The following LAMA5 variants were observed in gnomAD, a reference collection of about 807,000 sequenced individuals.
LAMA5 encodes the protein laminin subunit alpha-5.
In LAMA5, 260 loss-of-function variants were observed where a neutral mutation model predicts 433.4. That is an observed-to-expected ratio of 0.60 (90% CI 0.54 to 0.66). The LOEUF (loss-of-function observed/expected upper bound fraction) is 0.66. Among genes scored for constraint, LAMA5 ranks in the 30% least tolerant of loss-of-function variants. The pLI, the probability that LAMA5 is intolerant of heterozygous loss-of-function variation, is 0.00. For missense variants in LAMA5, 5,378 were observed against 5,258.5 expected (o/e 1.02, Z -0.70); for synonymous variants, 2,620 against 2,226.6 (o/e 1.18, Z -4.97).
At chr20:62,345,564 A>G (rs1434383183) in intron 11 of LAMA5, 8 of 630,944 alleles carry the variant, frequency 1.3e-5, no homozygotes, top group Admixed American at 2.2e-5. Context: ...ACATCACTAC[A>G]CCCAGCTAAT....
rs1386829977 is a variant in LAMA5, at chr20:62,310,798, A to G, written c.10313T>C (p.Leu3438Pro). Residue 3438 changes from leucine (L) to proline (P), a missense_variant, in exon 75 of 80, where the codon CTG becomes CCG. Transcript: ENST00000252999. ...GGCCCGGGCCCCGTCCGTCACCAGC[A>G]GGATCCGGTTCTTCTCCCAGCGCAC... is the stretch of plus-strand genomic sequence containing the variant. ...VSVRWEKNRI[L>P]LVTDGARAWS... 1 of 1,552,776 alleles carries G rather than the reference A, an allele frequency of 6.4e-7. No individual in the cohort carries two copies. The highest frequency in any genetic ancestry group is 1.4e-5 in the African/African-American group (1 of 73,418).
At chr20:62,327,739 C>A (rs1262440343) in intron 36 of LAMA5, 70 bp from the exon 37 acceptor site, 62 of 1,593,462 alleles carry the variant, frequency 3.9e-5, no homozygotes, top group Non-Finnish European at 5.3e-5. Context: ...CTGGTACCCA[C>A]CTGCCAATGG....
In LAMA5 at chr20:62,312,743, A is replaced by G. The variant is rs1986451103; in HGVS notation, c.9116T>C (p.Val3039Ala). 6.3e-7 allele frequency: 1 copy of G among 1,592,698 alleles called. No individual in the cohort carries two copies. Among genetic ancestry groups the G allele is most frequent in the Admixed American group, 1.7e-5 (1 of 57,216 alleles). Residue 3039 changes from valine to alanine, a missense_variant, in exon 67 of 80, where the codon GTG becomes GCG. By Grantham distance (64) the Val-to-Ala change is moderately conservative (BLOSUM62 0). Coordinates refer to ENST00000252999, the MANE Select transcript of LAMA5 (RefSeq NM_005560.6). ...VFLLGGSRKR[V>A]LVRVERATVY... ...CGTGGCCCGCTCCACACGCACCAGC[A>G]CACGCTTGCGGCTGCCCCCCAGCAG...
In LAMA5 at chr20:62,345,166, C is replaced by T. The variant is rs1489141899; in HGVS notation, c.1477+652G>A. On this transcript the variant is annotated intron_variant, in intron 11 of 79. Transcript: ENST00000252999. Reference sequence around the variant, plus strand: ...CTGAGTAGCTGGGATTACAGGTGCCCGCCACCATGCCCAGCTAGTAGAGAC... The same window carrying T: ...CTGAGTAGCTGGGATTACAGGTGCCTGCCACCATGCCCAGCTAGTAGAGAC... Among the ~76,000 whole-genome samples, 9 of 151,992 alleles carry T rather than the reference C, an allele frequency of 5.9e-5. No homozygotes were observed. In the East Asian group the frequency reaches 1.4e-3, roughly 23 times the overall value.
chr20:62,332,484 T>C lies in LAMA5; in HGVS notation c.3444-4A>G. On this transcript the variant is annotated splice_region_variant and splice_polypyrimidine_tract_variant and intron_variant, in intron 27 of 79. Coordinates refer to ENST00000252999, the MANE Select transcript of LAMA5 (RefSeq NM_005560.6). The stretch of plus-strand genomic sequence containing the variant: ...GGCAGTGCCCCGGCACAGGGTGCTG[T>C]GGGGGGAGGGTGGTCAGCAGGTGGG... The C allele has an allele frequency of 6.2e-7, 1 of 1,611,608 alleles. No homozygotes were observed. The highest frequency in any genetic ancestry group is 1.1e-5 in the South Asian group (1 of 91,020).
chr20:62,325,609 A>C (rs1979159116), intron 40 of LAMA5, 63 bp from the exon 41 acceptor site: 1 of 1,140,702 alleles, frequency 8.8e-7, no homozygotes. Flanking sequence ...GGGAGCCTAG[A>C]ACAGACCCCC....
intron 79 of LAMA5, 113 bp downstream of exon 79, chr20:62,309,603 T>TGGGAGGAGGGGGGGAGGGGGCAGG (rs1985905175): frequency 1.3e-4 from 38 of 284,316 alleles, no homozygotes; most frequent in African/African-American, 4.9e-4. Flanking sequence ...GGTAGGGGGG[T>TGGGAGGAGGGGGGGAGGGGGCAGG]GGGAGGAGGG....
At chr20:62,360,176 G>A (rs1486317508) in intron 2 of LAMA5, among the ~76,000 whole-genome samples, 2 of 151,008 alleles carry the variant, frequency 1.3e-5, no homozygotes, top group East Asian at 4.0e-4. Context: ...CGAGACAGGG[G>A]CCTTGGTAGA....
chr20:62,366,981 CG>C lies in LAMA5; in HGVS notation c.264del (p.Val89TrpfsTer147). 1 of 1,278,494 alleles carries C rather than the reference CG, an allele frequency of 7.8e-7. No homozygotes were observed. The allele number at this position is 1,278,494 out of a possible 1,614,324, so 79.2% of individuals were successfully genotyped here. On this transcript the variant is annotated frameshift_variant, in exon 1 of 80. Coordinates refer to ENST00000252999, the MANE Select transcript of LAMA5 (RefSeq NM_005560.6). LOFTEE classifies it high-confidence loss of function. ...EDLYCKLVGGPVAGGDPNQTI... is the reference protein window; with the variant it reads ...EDLYCKLVGGXVAGGDPNQTI... ...GTCTGGTTGGGGTCGCCGCCGGCCACGGGGCCCCCTACCAGCTTGCAGTAAA... is the reference window on the plus strand; with the variant it reads ...GTCTGGTTGGGGTCGCCGCCGGCCACGGGCCCCCTACCAGCTTGCAGTAAA...
At chr20:62,343,768 C>T (rs1971090992) in intron 11 of LAMA5, among the ~76,000 whole-genome samples, 1 of 8,088 alleles carries the variant, frequency 1.2e-4, no homozygotes, top group Non-Finnish European at 1.7e-3. Context: ...TAGAGTGAAA[C>T]TCCATCAAAA....
At position 62,312,531 on chromosome 20, in the gene LAMA5, G is replaced by A. The variant is rs1227178680; in HGVS notation, c.9229C>T (p.Leu3077=). Residue 3077 remains leucine, a splice_region_variant and synonymous_variant, in exon 68 of 80, where the codon CTG becomes TTG. Coordinates refer to ENST00000252999, the MANE Select transcript of LAMA5 (RefSeq NM_005560.6). ...CCTCCGGTGGGGAAGAGCCGTCGCA[G>A]GCTGTGGGGAAGCGGGGATGCGGGT... ...GVPPDQLPPS[L]RRLFPTGGSV... is the part of the protein sequence containing the mutation. 5 of 1,599,424 alleles carry A rather than the reference G, an allele frequency of 3.1e-6. No individual in the cohort carries two copies. Among genetic ancestry groups the A allele is most frequent in the African/African-American group, 1.3e-5 (1 of 74,910 alleles).
At chr20:62,323,180 C>G (rs1978614319) in intron 45 of LAMA5, among the ~76,000 whole-genome samples, 1 of 147,930 alleles carries the variant, frequency 6.8e-6, no homozygotes, top group Non-Finnish European at 1.5e-5. Flanking sequence ...TGGGGAGGGT[C>G]TGATTGTAGT....
intron 6 of LAMA5, among the ~76,000 whole-genome samples, chr20:62,347,954 T>A (rs1983633546): frequency 6.6e-6 from 1 of 152,108 alleles, no homozygotes; most frequent in Non-Finnish European, 1.5e-5. Flanking sequence ...ATGAGAGGAA[T>A]TGGGAAATAA....
rs757456592 is a variant in LAMA5, at chr20:62,346,971, G to A, written c.1014C>T (p.Pro338=). The change falls in exon 7 of 80, where the codon CCC becomes CCT. Residue 338 remains proline (P), a synonymous_variant. Transcript: ENST00000252999. ...TCGGTCDRCC[P]GFNQQPWKPA... ...GCTTCCACGGCTGCTGATTGAAGCC[G>A]GGGCAGCAGCGGTCGCAGGTGCCCC... 16 of 1,612,616 alleles carry A rather than the reference G, an allele frequency of 9.9e-6. No homozygotes were observed. The Admixed American group carries it at 1.3e-4, about 13-fold the overall frequency.
Position 62,338,119 on chromosome 20 carries a change from G to A in LAMA5, c.1788C>T (p.Pro596=), listed in dbSNP as rs772286824. The A allele has an allele frequency of 2.4e-5, 39 of 1,595,378 alleles. No homozygotes were observed. The highest frequency in any genetic ancestry group is 2.4e-4 in the Admixed American group (14 of 58,750). ...AGCGGCCGGCCTCATCGCAGCCCTCGGGCAAGGTTCCTGCAGGGCTGCAGC... is the reference window on the plus strand; with the variant it reads ...AGCGGCCGGCCTCATCGCAGCCCTCAGGCAAGGTTCCTGCAGGGCTGCAGC... The part of the protein sequence containing the change: ...LCGCSPAGTL[P]EGCDEAGRCL... Residue 596 remains proline, a synonymous_variant, in exon 14 of 80, where the codon CCC becomes CCT. Coordinates refer to ENST00000252999, the MANE Select transcript of LAMA5 (RefSeq NM_005560.6).
At chr20:62,365,688 A>C (rs931869924) in intron 1 of LAMA5, among the ~76,000 whole-genome samples, 9 of 152,138 alleles carry the variant, frequency 5.9e-5, no homozygotes, top group African/African-American at 2.2e-4. Flanking sequence ...GGCAGCCAGG[A>C]GGCACCCAGG....
At chr20:62,334,858 C>A (rs1640090771) in intron 20 of LAMA5, among the ~76,000 whole-genome samples, 163 bp downstream of exon 20, 1 of 150,934 alleles carries the variant, frequency 6.6e-6, no homozygotes, top group Non-Finnish European at 1.5e-5. Flanking sequence ...GGGAGCTGCA[C>A]CCCCTCTCCC....
At position 62,333,975 on chromosome 20, in the gene LAMA5, A is replaced by T. The variant is rs1981045645; in HGVS notation, c.2804T>A (p.Val935Asp). ...GCTCACACTCATGGCCCCCCGGTTG[A>T]CGTATCGGAAGACGAGCCAGAAAAG... ...PDLFWLVFRYVNRGAMSVSGR... is the reference protein window; with the variant it reads ...PDLFWLVFRYDNRGAMSVSGR... The change falls in exon 23 of 80, where the codon GTC becomes GAC. Residue 935 changes from valine (V) to aspartate (D), a missense_variant. Val to Asp is a radical substitution (Grantham distance 152, BLOSUM62 -3). Coordinates refer to ENST00000252999, the MANE Select transcript of LAMA5 (RefSeq NM_005560.6). 3.7e-6 allele frequency: 6 copies of T among 1,612,802 alleles called. No individual in the cohort carries two copies. The highest frequency in any genetic ancestry group is 5.1e-6 in the Non-Finnish European group (6 of 1,179,842).
In LAMA5 at chr20:62,313,751, C is replaced by T; in HGVS notation, c.8556G>A (p.Gln2852=). Residue 2852 remains glutamine (Q), a synonymous_variant, in exon 63 of 80, where the codon CAG becomes CAA. Coordinates refer to ENST00000252999, the MANE Select transcript of LAMA5 (RefSeq NM_005560.6). ...GGGCCACCGTGTCACCCTTGGTTTCCTGGATCATCTGTCTCTCCACTGTGA... is the reference window on the plus strand; with the variant it reads ...GGGCCACCGTGTCACCCTTGGTTTCTTGGATCATCTGTCTCTCCACTGTGA... ...MSVTVERQMI[Q]ETKGDTVAPG... 6.2e-7 allele frequency: 1 copy of T among 1,612,982 alleles called. No individual in the cohort carries two copies.
Sources: allele counts gnomAD v4.1 joint callset (sites outside exome capture counted in the v4.1 genomes callset), GRCh38; gene constraint gnomAD v4.1.1; transcripts MANE v1.5; gene names NCBI Gene and HGNC (gene_info 2026-07-23, HGNC 2026-07-21).